NDUFA10: variants seen among roughly 807,000 people sequenced by gnomAD.
The protein encoded by NDUFA10 is NADH:ubiquinone oxidoreductase subunit A10, also known as NADH dehydrogenase [ubiquinone] 1 alpha subcomplex subunit 10, mitochondrial.
A neutral mutation model predicts 47.8 loss-of-function variants in NDUFA10; 40 were observed. The observed-to-expected ratio is 0.84, with a 90% CI of 0.65 to 1.09. NDUFA10 has a LOEUF of 1.09. Ranked by LOEUF, NDUFA10 falls within the 50% of genes least tolerant of loss-of-function variation. The pLI is 0.00. For synonymous variants in NDUFA10, 183 were observed against 172.2 expected, an observed-to-expected ratio of 1.06 and a Z score of -0.49; for missense variants, 413 against 451.1, an observed-to-expected ratio of 0.92 and a Z score of 0.76.
At chr2:239,937,539 G>T (rs1000693014) in intron 4 of NDUFA10, among the ~76,000 whole-genome samples, 5 of 152,148 alleles carry the variant, frequency 3.3e-5, no homozygotes, top group African/African-American at 1.2e-4. Context: ...TCATTTTATG[G>T]CCTAATGAGT....
At chr2:239,991,446 G>C (rs917135892) in intron 8 of NDUFA10, among the ~76,000 whole-genome samples, 1 of 152,120 alleles carries the variant, frequency 6.6e-6, no homozygotes, top group South Asian at 2.1e-4. Context: ...AGATAAGATC[G>C]TTTTCTTAGT....
chr2:239,976,432 C>G (rs1023736771), intron 9 of NDUFA10: 2 of 152,586 alleles, frequency 1.3e-5, no homozygotes, highest in East Asian at 1.9e-4. Flanking sequence ...CTGCCCCCCC[C>G]AAGACTCTAC....
chr2:239,893,230 A>G (rs1167746494), intron 5 of NDUFA10, among the ~76,000 whole-genome samples: 3 of 152,192 alleles, frequency 2.0e-5, no homozygotes. Context: ...TACACGGCAG[A>G]GAACACAGTA....
At chr2:239,934,762 C>T (rs573587791) in intron 4 of NDUFA10, among the ~76,000 whole-genome samples, 31 of 152,308 alleles carry the variant, frequency 2.0e-4, no homozygotes, top group African/African-American at 7.2e-4. Context: ...CTGTGACCTC[C>T]GTGCAGCATC....
At chr2:239,965,870 G>A (rs1189980713) in intron 9 of NDUFA10, among the ~76,000 whole-genome samples, 4 of 152,162 alleles carry the variant, frequency 2.6e-5, no homozygotes, top group South Asian at 2.1e-4. Flanking sequence ...TGTACAATGC[G>A]AACGGAGTTT....
At chr2:239,971,179 G>C (rs1469658126) in intron 9 of NDUFA10, among the ~76,000 whole-genome samples, 1 of 152,220 alleles carries the variant, frequency 6.6e-6, no homozygotes. Context: ...GAACTTATTT[G>C]GTGAGTGAAT....
chr2:239,941,429 T>A (rs544439591), intron 4 of NDUFA10, among the ~76,000 whole-genome samples: 1 of 152,096 alleles, frequency 6.6e-6, no homozygotes, highest in African/African-American at 2.4e-5. Context: ...TTCCTCGACA[T>A]CAAAACGACA....
intron 4 of NDUFA10, among the ~76,000 whole-genome samples, chr2:239,923,932 C>T (rs1226344331): frequency 6.6e-6 from 1 of 152,080 alleles, no homozygotes; most frequent in Non-Finnish European, 1.5e-5. Flanking sequence ...ACTACAGACC[C>T]TGCAGCCATT....
At chr2:240,011,875 T>C (rs754842087) in intron 5 of NDUFA10, 179 bp from the exon 6 acceptor site, 9 of 655,022 alleles carry the variant, frequency 1.4e-5, no homozygotes, top group East Asian at 2.8e-5. Flanking sequence ...TCATTCTCCT[T>C]CTACTACAGT....
At chr2:239,952,564 G>A (rs923653529), downstream of NDUFA10, among the ~76,000 whole-genome samples, 2 of 152,144 alleles carry the variant, frequency 1.3e-5, no homozygotes, top group African/African-American at 4.8e-5. Context: ...GGTTTTTCTG[G>A]GTTTTTTGAA....
chr2:239,953,033 G>T (rs1694582846), downstream of NDUFA10, among the ~76,000 whole-genome samples: 1 of 152,198 alleles, frequency 6.6e-6, no homozygotes, highest in African/African-American at 2.4e-5. Flanking sequence ...GCCCAAGGTG[G>T]GGACTGTGGT....
downstream of NDUFA10, among the ~76,000 whole-genome samples, chr2:239,952,713 C>T (rs1029468943): frequency 3.3e-5 from 5 of 152,214 alleles, no homozygotes; most frequent in Non-Finnish European, 5.9e-5. Context: ...CCTCTCCCCA[C>T]GGTGTGCACC....
At chr2:239,907,388 T>C (rs1475592301) in intron 4 of NDUFA10, among the ~76,000 whole-genome samples, 2 of 152,120 alleles carry the variant, frequency 1.3e-5, no homozygotes, top group East Asian at 3.8e-4. Flanking sequence ...AAAGCCAAAA[T>C]TGACAAATGG....
intron 9 of NDUFA10, among the ~76,000 whole-genome samples, chr2:239,975,178 C>T (rs1486907289): frequency 6.6e-6 from 1 of 152,228 alleles, no homozygotes; most frequent in Non-Finnish European, 1.5e-5. Context: ...CACTCTGCTG[C>T]CCCATTCTCT....
intron 8 of NDUFA10, among the ~76,000 whole-genome samples, chr2:240,004,525 C>T (rs554320258): frequency 2.7e-5 from 4 of 150,658 alleles, no homozygotes; most frequent in African/African-American, 4.8e-5. Flanking sequence ...AGTCCTACCC[C>T]CTTCTGCAGT....
At chr2:239,904,198 G>A (rs1400490478) in intron 4 of NDUFA10, among the ~76,000 whole-genome samples, 4 of 152,158 alleles carry the variant, frequency 2.6e-5, no homozygotes, top group African/African-American at 9.7e-5. Context: ...GTGTGCCCCG[G>A]GGGACACTGG....
At chr2:239,961,817 C>T (rs572801386) in intron 9 of NDUFA10, among the ~76,000 whole-genome samples, 8 of 152,322 alleles carry the variant, frequency 5.3e-5, no homozygotes, top group Admixed American at 2.0e-4. Flanking sequence ...GACGACAGAG[C>T]CCAGGAGGAG....
chr2:239,922,930 C>A (rs993223443), intron 4 of NDUFA10, among the ~76,000 whole-genome samples: 6 of 152,148 alleles, frequency 3.9e-5, no homozygotes, highest in Admixed American at 2.6e-4. Context: ...ACTGGCATTG[C>A]CAGGGCTCAA....
intron 5 of NDUFA10, chr2:240,014,229 A>T (rs2106486505): frequency 5.7e-6 from 1 of 175,954 alleles, no homozygotes; most frequent in East Asian, 1.5e-4. Context: ...TTAAGATCCA[A>T]TGAAAACTAC....
Sources: gnomAD v4.1 joint callset for allele counts (sites outside exome capture counted in the v4.1 genomes callset) on GRCh38, gnomAD v4.1.1 for gene constraint, MANE v1.5 for transcripts, NCBI Gene and HGNC (gene_info 2026-07-23, HGNC 2026-07-21) for gene names.